LARP7: variants seen among roughly 807,000 people sequenced by gnomAD.
LARP7 encodes the protein la-related protein 7.
LARP7 carries 52 observed loss-of-function variants against 69.3 expected under a neutral mutation model. That is an observed-to-expected ratio of 0.75 (90% CI 0.60 to 0.95). The LOEUF (loss-of-function observed/expected upper bound fraction) is 0.95, where lower values mean the gene tolerates loss of function less well. Ranked by LOEUF, LARP7 falls within the 40% of genes least tolerant of loss-of-function variation. LARP7 has a pLI of 0.00. For missense variants in LARP7, 733 were observed against 673.0 expected (o/e 1.09, Z -0.99); for synonymous variants, 254 against 215.9 (o/e 1.18, Z -1.55).
chr4:112,652,435 A>C (rs2048788244), intron 10 of LARP7, among the ~76,000 whole-genome samples: 1 of 152,122 alleles, frequency 6.6e-6, no homozygotes, highest in Non-Finnish European at 1.5e-5. Context: ...AAGTTGATTA[A>C]GAATGCAGGA....
Position 112,649,553 on chromosome 4 carries a change from G to GAA in LARP7, c.1166_1167dup (p.Glu390LysfsTer4). ...CTTGTAGGAGCGAATGGATGGATTT[G>GAA]AAAAAAGAGTATTTAGCGCTACAAA... On this transcript the variant is annotated frameshift_variant, in exon 9 of 13. Coordinates refer to ENST00000344442, the MANE Select transcript of LARP7 (RefSeq NM_016648.4). LOFTEE classifies it high-confidence loss of function. 6.3e-7 allele frequency: 1 copy of GAA among 1,599,912 alleles called. No individual in the cohort carries two copies. The highest frequency in any genetic ancestry group is 8.5e-7 in the Non-Finnish European group (1 of 1,174,152).
At chr4:112,647,587 ATTTTAATTAATTAGT>A (rs70958470) in intron 7 of LARP7, 38 bp downstream of exon 7, 262 of 1,414,442 alleles carry the variant, frequency 1.9e-4, no homozygotes, top group South Asian at 4.9e-4. Flanking sequence ...AAACTAATTA[ATTTTAATTAATTAGT>A]TTTTAATTAA....
intron 8 of LARP7, chr4:112,648,476 A>C: frequency 1.9e-6 from 1 of 534,196 alleles, no homozygotes; most frequent in Non-Finnish European, 3.9e-6. Context: ...GGAGAAGTAA[A>C]TTGGATTCAC....
chr4:112,651,911 G>A (rs2048758271), intron 10 of LARP7, among the ~76,000 whole-genome samples: 1 of 151,760 alleles, frequency 6.6e-6, no homozygotes, highest in South Asian at 2.1e-4. Context: ...CAACAATACT[G>A]AGTTTTTTAC....
intron 2 of LARP7, chr4:112,645,478 G>C (rs1186926148): frequency 1.1e-5 from 5 of 455,956 alleles, no homozygotes; most frequent in Non-Finnish European, 2.2e-5. Flanking sequence ...GTTCATACAA[G>C]AAGGCATTTC....
chr4:112,654,173 T>A lies in LARP7; in HGVS notation c.1668+14T>A. 1.2e-6 allele frequency: 2 copies of A among 1,602,430 alleles called. No individual in the cohort carries two copies. Among genetic ancestry groups the A allele is most frequent in the Non-Finnish European group, 1.7e-6 (2 of 1,169,906 alleles). On this transcript the variant is annotated intron_variant, in intron 12 of 12. Coordinates refer to ENST00000344442, the MANE Select transcript of LARP7 (RefSeq NM_016648.4). The stretch of plus-strand genomic sequence containing the variant: ...GGCACTGAAAAGGTAATTGATTCAT[T>A]TTTGTTTTTTTAGACTAAACTTTCC...
rs780633396 is a variant in LARP7 at position 112,650,522 on chromosome 4, G to C, written c.1356G>C (p.Val452=). ...EKVNATGPQF[V]SGVIVKIIST... ...TTAATGCAACAGGACCACAGTTCGT[G>C]AGTGGAGTGATTGTGAAGATCATTA... Residue 452 remains valine (V), a synonymous_variant, in exon 10 of 13, where the codon GTG becomes GTC. Transcript: ENST00000344442. 1.5e-5 allele frequency: 25 copies of C among 1,613,690 alleles called. No homozygotes were observed. Among genetic ancestry groups the C allele is most frequent in the Admixed American group, 1.3e-4 (8 of 59,978 alleles).
intron 8 of LARP7, chr4:112,648,486 C>T: frequency 1.9e-6 from 1 of 534,304 alleles, no homozygotes; most frequent in Non-Finnish European, 3.8e-6. Context: ...ATTGGATTCA[C>T]TCCTACTAAA....
chr4:112,646,980 A>G (rs756193871), intron 5 of LARP7, 25 bp downstream of exon 5: 6 of 1,578,128 alleles, frequency 3.8e-6, no homozygotes, highest in Non-Finnish European at 5.1e-6. Flanking sequence ...TAAAAAAAAA[A>G]AAAGAAAGAA....
In LARP7 at chr4:112,647,863, G is replaced by A. The variant is rs752990563; in HGVS notation, c.1142+29G>A. 19 of 1,476,618 alleles carry A rather than the reference G, an allele frequency of 1.3e-5. No homozygotes were observed. In the South Asian group the frequency reaches 1.5e-4, roughly 11 times the overall value. 91.5% of individuals were successfully genotyped at this position (1,476,618 alleles called of 1,614,324 possible). ...AGTCTGTGGTTTAAATTCTGTCATT[G>A]GCTTAACAATCCATCACCATTGCTA... On this transcript the variant is annotated intron_variant, in intron 8 of 12. Transcript: ENST00000344442.
At chr4:112,654,350 AT>A (rs1382108618) in intron 12 of LARP7, 191 bp downstream of exon 12, 4 of 480,430 alleles carry the variant, frequency 8.3e-6, no homozygotes, top group Non-Finnish European at 1.5e-5. Context: ...AAATTGAATT[AT>A]TTTTCTCACA....
At chr4:112,643,863 G>T (rs1025889617) in intron 1 of LARP7, among the ~76,000 whole-genome samples, 1 of 151,446 alleles carries the variant, frequency 6.6e-6, no homozygotes, top group African/African-American at 2.4e-5. Flanking sequence ...GAAAAGAGAA[G>T]AGAAGAAGAA....
intron 11 of LARP7, 121 bp downstream of exon 11, chr4:112,653,357 T>TG (rs1471476771): frequency 4.5e-6 from 3 of 668,994 alleles, no homozygotes; most frequent in Non-Finnish European, 6.9e-6. Flanking sequence ...TCGCTCAGGC[T>TG]GGAGTACAGT....
chr4:112,648,469 G>T (rs372818265), intron 8 of LARP7: 1 of 533,974 alleles, frequency 1.9e-6, no homozygotes, highest in Admixed American at 1.9e-5. Flanking sequence ...CTATTTTGGA[G>T]AAGTAAATTG....
intron 1 of LARP7, among the ~76,000 whole-genome samples, chr4:112,639,943 G>A (rs939413188): frequency 6.6e-6 from 1 of 151,978 alleles, no homozygotes; most frequent in African/African-American, 2.4e-5. Context: ...CTACGTTTGT[G>A]TTTGTTCGTT....
At chr4:112,648,089 T>C (rs1458668113) in intron 8 of LARP7, 1 of 593,668 alleles carries the variant, frequency 1.7e-6, no homozygotes, top group Non-Finnish European at 3.3e-6. Flanking sequence ...TTAACAGATG[T>C]AAAAATACAA....
Position 112,651,997 on chromosome 4 carries a change from GT to G in LARP7, c.1417-1067del, listed in dbSNP as rs753183815. 8.1e-4 allele frequency among the ~76,000 whole-genome samples: 116 copies of G among 144,012 alleles called. No homozygotes were observed. In the East Asian group the frequency reaches 9.7e-3, roughly 12 times the overall value. The allele number at this position is 144,012 out of a possible 152,430, so 94.5% of individuals were successfully genotyped here. On this transcript the variant is annotated intron_variant, in intron 10 of 12. Coordinates refer to ENST00000344442, the MANE Select transcript of LARP7 (RefSeq NM_016648.4). ...GGACTAGCAAGTGTAAGTCTCTGCA[GT>G]TTTTTTTTTTTTAATTTGGCAAACA...
chr4:112,641,805 A>G (rs1200746391), intron 1 of LARP7, among the ~76,000 whole-genome samples: 1 of 152,168 alleles, frequency 6.6e-6, no homozygotes, highest in East Asian at 1.9e-4. Flanking sequence ...TAATTTTGAG[A>G]TATCCTTTAG....
At chr4:112,657,170 T>TTTTTTGTGTGTGTGTGTG (rs375680419) in intron 12 of LARP7, 77 bp from the exon 13 acceptor site, 1 of 458,032 alleles carries the variant, frequency 2.2e-6, no homozygotes, top group African/African-American at 2.2e-5. Flanking sequence ...AGTCATAGTT[T>TTTTTTGTGTGTGTGTGTG]TGTGTGTGTG....
Sources: gnomAD v4.1 joint callset for allele counts (sites outside exome capture counted in the v4.1 genomes callset) on GRCh38, gnomAD v4.1.1 for gene constraint, MANE v1.5 for transcripts, NCBI Gene and HGNC (gene_info 2026-07-23, HGNC 2026-07-21) for gene names.